STXBP5L: variants seen among roughly 807,000 people sequenced by gnomAD.
The protein encoded by STXBP5L is syntaxin-binding protein 5-like.
In STXBP5L, 65 loss-of-function variants were observed where a neutral mutation model predicts 144.5. That is an observed-to-expected ratio of 0.45 (90% CI 0.37 to 0.55). The LOEUF (loss-of-function observed/expected upper bound fraction) is 0.55. STXBP5L is among the 20% of genes least tolerant of loss of function. The probability of loss-of-function intolerance (pLI) is 0.00; values close to 1 mark genes in which losing one functional copy is unlikely to be tolerated. For synonymous variants in STXBP5L, 505 were observed against 469.6 expected (o/e 1.08, Z -0.97); for missense variants, 1,298 against 1,405.5 (o/e 0.92, Z 1.22).
chr3:121,358,683 T>C (rs2045609263), intron 20 of STXBP5L, among the ~76,000 whole-genome samples: 1 of 152,146 alleles, frequency 6.6e-6, no homozygotes. Flanking sequence ...CATTCTACTC[T>C]CTCTGTCCAT....
At chr3:121,135,942 G>A (rs1015113964) in intron 7 of STXBP5L, among the ~76,000 whole-genome samples, 1 of 152,188 alleles carries the variant, frequency 6.6e-6, no homozygotes, top group Admixed American at 6.5e-5. Flanking sequence ...GAAGGCCTTA[G>A]CATGTCCAGG....
At chr3:120,948,324 T>G (rs1710984758) in intron 2 of STXBP5L, among the ~76,000 whole-genome samples, 1 of 151,796 alleles carries the variant, frequency 6.6e-6, no homozygotes, top group Non-Finnish European at 1.5e-5. Flanking sequence ...TATTGAATTT[T>G]AAGGGTTCTT....
intron 3 of STXBP5L, among the ~76,000 whole-genome samples, chr3:121,004,538 T>G (rs1275466308): frequency 2.0e-5 from 3 of 151,832 alleles, no homozygotes; most frequent in Non-Finnish European, 4.4e-5. Context: ...TGAATACCCT[T>G]TATTTCCTTC....
intron 9 of STXBP5L, among the ~76,000 whole-genome samples, chr3:121,194,348 C>T (rs139892646): frequency 1.3e-5 from 2 of 152,162 alleles, no homozygotes; most frequent in East Asian, 1.9e-4. Flanking sequence ...TCATTCATGT[C>T]GTATGAGTAC....
At chr3:121,139,976 G>GA (rs1198502932) in intron 7 of STXBP5L, among the ~76,000 whole-genome samples, 2 of 151,914 alleles carry the variant, frequency 1.3e-5, no homozygotes, top group African/African-American at 4.8e-5. Context: ...CAACCCAGTT[G>GA]AAAAATGGAC....
At chr3:121,379,534 A>G (rs1421937470) in intron 21 of STXBP5L, among the ~76,000 whole-genome samples, 46 of 152,196 alleles carry the variant, frequency 3.0e-4, no homozygotes, top group Admixed American at 2.9e-3. Context: ...GATTTGCTAT[A>G]GTAATTCTAT....
At chr3:121,198,419 C>G (rs1197099237) in intron 9 of STXBP5L, among the ~76,000 whole-genome samples, 1 of 152,000 alleles carries the variant, frequency 6.6e-6, no homozygotes, top group Non-Finnish European at 1.5e-5. Flanking sequence ...AAAATTTTCT[C>G]CCATTCTGTT....
chr3:121,218,863 C>A (rs558320834), intron 10 of STXBP5L, among the ~76,000 whole-genome samples: 1 of 152,188 alleles, frequency 6.6e-6, no homozygotes, highest in African/African-American at 2.4e-5. Flanking sequence ...TCAACAATAC[C>A]TGTCTCACTA....
chr3:121,246,690 T>G (rs2049864008), intron 14 of STXBP5L, among the ~76,000 whole-genome samples: 1 of 152,146 alleles, frequency 6.6e-6, no homozygotes, highest in Admixed American at 6.6e-5. Context: ...AACCCAAATG[T>G]TCATCATTTG....
chr3:121,278,752 A>G (rs1240290073), intron 18 of STXBP5L, among the ~76,000 whole-genome samples: 1 of 151,884 alleles, frequency 6.6e-6, no homozygotes, highest in African/African-American at 2.4e-5. Flanking sequence ...AGATTCATTA[A>G]TTTTTCTCAA....
chr3:120,979,334 C>T (rs986838910), intron 3 of STXBP5L, among the ~76,000 whole-genome samples: 4 of 152,214 alleles, frequency 2.6e-5, no homozygotes, highest in African/African-American at 4.8e-5. Context: ...ACTCCGTGGG[C>T]ATAGGACCCT....
chr3:121,220,041 A>G (rs2048926816), intron 10 of STXBP5L, among the ~76,000 whole-genome samples: 1 of 152,114 alleles, frequency 6.6e-6, no homozygotes, highest in African/African-American at 2.4e-5. Context: ...AAACACATGT[A>G]TGATTTCTAA....
intron 9 of STXBP5L, among the ~76,000 whole-genome samples, chr3:121,195,682 A>C (rs928379123): frequency 1.3e-5 from 2 of 152,216 alleles, no homozygotes; most frequent in Admixed American, 1.3e-4. Context: ...AAACTAATAG[A>C]TTGCGTGACT....
chr3:121,350,668 T>C (rs1254671310), intron 20 of STXBP5L, among the ~76,000 whole-genome samples: 1 of 152,160 alleles, frequency 6.6e-6, no homozygotes, highest in African/African-American at 2.4e-5. Flanking sequence ...CTTTTTATTC[T>C]TTTTTTCGTT....
chr3:120,976,095 G>A (rs1409437067), intron 3 of STXBP5L, among the ~76,000 whole-genome samples: 1 of 152,076 alleles, frequency 6.6e-6, no homozygotes, highest in African/African-American at 2.4e-5. Flanking sequence ...TTTTTCTATT[G>A]ATTGGAATAG....
At chr3:121,326,962 C>T (rs1016024896) in intron 20 of STXBP5L, among the ~76,000 whole-genome samples, 3 of 152,124 alleles carry the variant, frequency 2.0e-5, no homozygotes, top group African/African-American at 7.2e-5. Context: ...GAATTAGAAA[C>T]TTCTGACCTA....
chr3:121,378,929 G>A (rs2046259371), intron 21 of STXBP5L, 43 bp downstream of exon 21: 1 of 1,571,606 alleles, frequency 6.4e-7, no homozygotes, highest in Admixed American at 1.8e-5. Context: ...GTTAAAATTT[G>A]GTTTACAATG....
rs187558097 is a variant in STXBP5L, at chr3:121,044,410, G to A, written c.370-1025G>A. The stretch of plus-strand genomic sequence containing the variant: ...TCTAATTCCTAAAGAAGAAATAAAT[G>A]CTAGCAATTTCAATATCGTTCTTCC... On this transcript the variant is annotated intron_variant, in intron 4 of 26. Coordinates refer to ENST00000471454, the MANE Select transcript of STXBP5L (RefSeq NM_001308330.2). 3.2e-3 allele frequency among the ~76,000 whole-genome samples: 483 copies of A among 152,172 alleles called. 4 individuals are homozygous for A. Among genetic ancestry groups the A allele is most frequent in the Non-Finnish European group, 5.1e-3 (347 of 67,980 alleles).
chr3:120,991,801 G>T (rs548471000), intron 3 of STXBP5L, among the ~76,000 whole-genome samples: 5 of 150,662 alleles, frequency 3.3e-5, no homozygotes, highest in African/African-American at 9.8e-5. Context: ...TCACACACCG[G>T]GGCCTGTTGT....
Sources: allele counts gnomAD v4.1 joint callset (sites outside exome capture counted in the v4.1 genomes callset), GRCh38; gene constraint gnomAD v4.1.1; transcripts MANE v1.5; gene names NCBI Gene and HGNC (gene_info 2026-07-23, HGNC 2026-07-21).